Variants in DRC11 observed in about 807,000 individuals in gnomAD.
DRC11 encodes the protein IQ and AAA domain-containing protein 1.
chr2:236,478,084 A>G, the DRC11 span, among the ~76,000 whole-genome samples: 2 of 149,078 alleles, frequency 1.3e-5, no homozygotes, highest in South Asian at 2.1e-4. This position sits in a 1 kb window ranked among gnomAD's most constrained non-coding sequence, Gnocchi z 5.9. Flanking sequence ...CTTTCCTTTC[A>G]CTAATTTTGG....
chr2:236,331,843 C>T, the DRC11 span: 1 of 484,924 alleles, frequency 2.1e-6, no homozygotes, highest in South Asian at 3.1e-5. The surrounding 1 kb of genome is among the most constrained non-coding windows in gnomAD (Gnocchi z 4.8). Flanking sequence ...TGCAAATTAA[C>T]AAGGAGAAAC....
chr2:236,390,115 C>G, the DRC11 span, among the ~76,000 whole-genome samples: 1 of 152,130 alleles, frequency 6.6e-6, no homozygotes, highest in Non-Finnish European at 1.5e-5. This position sits in a 1 kb window ranked among gnomAD's most constrained non-coding sequence, Gnocchi z 5.9. Flanking sequence ...TCTATTTCTC[C>G]CTTCAGATAT....
At chr2:236,397,770 C>T in the DRC11 span, among the ~76,000 whole-genome samples, 1 of 152,184 alleles carries the variant, frequency 6.6e-6, no homozygotes, top group Non-Finnish European at 1.5e-5. The surrounding 1 kb of genome is among the most constrained non-coding windows in gnomAD (Gnocchi z 5.0). Flanking sequence ...CAGTAACTCC[C>T]AGCAGGACCC....
At chr2:236,380,548 CACA>C in the DRC11 span, 11 of 1,546,500 alleles carry the variant, frequency 7.1e-6, no homozygotes, top group Middle Eastern at 3.3e-4. This position sits in a 1 kb window ranked among gnomAD's most constrained non-coding sequence, Gnocchi z 4.9. Flanking sequence ...CGCATCACAA[CACA>C]ACGAGTCCAT....
the DRC11 span, among the ~76,000 whole-genome samples, chr2:236,378,996 C>A: frequency 6.6e-6 from 1 of 152,188 alleles, no homozygotes; most frequent in Admixed American, 6.5e-5. Context: ...CTCTAGAGAG[C>A]AGAAACCCAC....
At chr2:236,432,381 A>G in the DRC11 span, among the ~76,000 whole-genome samples, 28 of 151,628 alleles carry the variant, frequency 1.8e-4, no homozygotes, top group Non-Finnish European at 3.5e-4. Context: ...TTGTATCTTC[A>G]TTTTCTTAAT....
At chr2:236,338,095 C>A in the DRC11 span, 3 of 1,045,260 alleles carry the variant, frequency 2.9e-6, no homozygotes, top group Non-Finnish European at 4.1e-6. Context: ...GTGCAGGCTC[C>A]CCTCAACTCA....
the DRC11 span, among the ~76,000 whole-genome samples, chr2:236,383,742 C>G: frequency 7.9e-5 from 12 of 151,518 alleles, no homozygotes; most frequent in Non-Finnish European, 1.6e-4. Context: ...TATACATGTG[C>G]CATGCTGGTG....
the DRC11 span, among the ~76,000 whole-genome samples, chr2:236,419,555 AGG>A: frequency 6.6e-6 from 1 of 152,122 alleles, no homozygotes; most frequent in African/African-American, 2.4e-5. The surrounding 1 kb of genome is among the most constrained non-coding windows in gnomAD (Gnocchi z 4.8). Context: ...CAGCTCCTGG[AGG>A]TTCCACAAAC....
the DRC11 span, among the ~76,000 whole-genome samples, chr2:236,376,560 T>A: frequency 6.6e-6 from 1 of 152,230 alleles, no homozygotes; most frequent in African/African-American, 2.4e-5. This position sits in a 1 kb window ranked among gnomAD's most constrained non-coding sequence, Gnocchi z 5.7. Context: ...GTAGTACAGT[T>A]ATGAGGAATT....
At chr2:236,439,128 A>T in the DRC11 span, among the ~76,000 whole-genome samples, 2 of 150,822 alleles carry the variant, frequency 1.3e-5, no homozygotes, top group African/African-American at 2.4e-5. Context: ...AAAGATCCAA[A>T]ATTGACACCC....
At chr2:236,391,946 C>T in the DRC11 span, 3 of 1,586,636 alleles carry the variant, frequency 1.9e-6, no homozygotes. This position sits in a 1 kb window ranked among gnomAD's most constrained non-coding sequence, Gnocchi z 4.5. Context: ...CGCTCCACCG[C>T]ACCCCTCTGC....
At chr2:236,491,082 A>C in the DRC11 span, among the ~76,000 whole-genome samples, 1 of 125,160 alleles carries the variant, frequency 8.0e-6, no homozygotes, top group African/African-American at 2.9e-5. Context: ...TACCCCAAGA[A>C]GAATATATAC....
At chr2:236,431,672 C>T in the DRC11 span, among the ~76,000 whole-genome samples, 1 of 152,176 alleles carries the variant, frequency 6.6e-6, no homozygotes, top group African/African-American at 2.4e-5. The surrounding 1 kb of genome is among the most constrained non-coding windows in gnomAD (Gnocchi z 4.2). Context: ...AATACATTGT[C>T]CATAGTGTCT....
the DRC11 span, among the ~76,000 whole-genome samples, chr2:236,370,132 T>C: frequency 6.6e-6 from 1 of 151,866 alleles, no homozygotes; most frequent in African/African-American, 2.4e-5. The surrounding 1 kb of genome is among the most constrained non-coding windows in gnomAD (Gnocchi z 5.5). Context: ...AAGGAGAAAT[T>C]TGGACACAGA....
the DRC11 span, chr2:236,497,423 G>C: frequency 6.2e-7 from 1 of 1,613,810 alleles, no homozygotes; most frequent in Non-Finnish European, 8.5e-7. The surrounding 1 kb of genome is among the most constrained non-coding windows in gnomAD (Gnocchi z 5.1). Flanking sequence ...ATCATCTTCT[G>C]AGGCTCTTTA....
chr2:236,318,926 C>G, the DRC11 span, among the ~76,000 whole-genome samples: 1 of 152,222 alleles, frequency 6.6e-6, no homozygotes, highest in East Asian at 1.9e-4. The surrounding 1 kb of genome is among the most constrained non-coding windows in gnomAD (Gnocchi z 7.0). Context: ...CCAGGCTGGC[C>G]AAGGGCTCCA....
At chr2:236,488,101 A>G in the DRC11 span, 2 of 1,610,612 alleles carry the variant, frequency 1.2e-6, no homozygotes, top group East Asian at 2.2e-5. Context: ...TGCTTCATGA[A>G]TAAAGCCCTT....
chr2:236,472,167 C>T, the DRC11 span, among the ~76,000 whole-genome samples: 1 of 152,166 alleles, frequency 6.6e-6, no homozygotes, highest in Non-Finnish European at 1.5e-5. The surrounding 1 kb of genome is among the most constrained non-coding windows in gnomAD (Gnocchi z 4.6). Flanking sequence ...TGCTTCCAGG[C>T]GTCCTTCTTG....
Sources: gnomAD v4.1 joint callset for allele counts (sites outside exome capture counted in the v4.1 genomes callset) on GRCh38, gnomAD v4.1.1 for gene constraint, Gnocchi (gnomAD v3.1) non-coding constraint, MANE v1.5 for transcripts, NCBI Gene and HGNC (gene_info 2026-07-23, HGNC 2026-07-21) for gene names.